The following PDSS2 variants were observed in gnomAD, a reference collection of about 807,000 sequenced individuals.
PDSS2 encodes the protein all trans-polyprenyl-diphosphate synthase PDSS2.
PDSS2 carries 31 observed loss-of-function variants against 44.5 expected under a neutral mutation model. The observed-to-expected ratio is 0.70, with a 90% CI of 0.52 to 0.94. The LOEUF is 0.94. PDSS2 is among the 40% of genes least tolerant of loss of function. PDSS2 has a pLI of 0.00. For missense variants in PDSS2, 452 were observed against 482.2 expected, an observed-to-expected ratio of 0.94 and a Z score of 0.59; for synonymous variants, 157 against 180.3, an observed-to-expected ratio of 0.87 and a Z score of 1.03.
chr6:107,446,014 C>T (rs1160979604), intron 1 of PDSS2, among the ~76,000 whole-genome samples: 1 of 151,934 alleles, frequency 6.6e-6, no homozygotes, highest in Non-Finnish European at 1.5e-5. Flanking sequence ...TTTTTTAAGG[C>T]TTTTCAAAAT....
chr6:107,216,228 G>A (rs1011699697), intron 4 of PDSS2, among the ~76,000 whole-genome samples: 1 of 151,876 alleles, frequency 6.6e-6, no homozygotes, highest in African/African-American at 2.4e-5. Context: ...AATCCCAGCA[G>A]TTTGGGAGGG....
chr6:107,294,416 A>C (rs954160606), intron 2 of PDSS2, among the ~76,000 whole-genome samples: 15 of 152,040 alleles, frequency 9.9e-5, no homozygotes, highest in Non-Finnish European at 2.2e-4. Context: ...TTTTAATTAA[A>C]AAAAATTTTT....
At chr6:107,370,670 AT>A (rs1189078787) in intron 1 of PDSS2, among the ~76,000 whole-genome samples, 1 of 152,212 alleles carries the variant, frequency 6.6e-6, no homozygotes, top group Non-Finnish European at 1.5e-5. Context: ...TCAAGTATCA[AT>A]TTTATTCTTT....
chr6:107,212,962 A>C (rs992778170), intron 4 of PDSS2, among the ~76,000 whole-genome samples: 3 of 151,940 alleles, frequency 2.0e-5, no homozygotes, highest in Non-Finnish European at 2.9e-5. Flanking sequence ...CTATGATTGC[A>C]CCACTGCACT....
intron 2 of PDSS2, among the ~76,000 whole-genome samples, chr6:107,287,878 C>T (rs925431410): frequency 1.3e-5 from 2 of 151,588 alleles, no homozygotes; most frequent in Admixed American, 6.6e-5. Flanking sequence ...GCCTATAGTC[C>T]CAGCTATTAG....
chr6:107,217,043 G>A (rs10457162), intron 4 of PDSS2, among the ~76,000 whole-genome samples: 1 of 151,962 alleles, frequency 6.6e-6, no homozygotes, highest in Non-Finnish European at 1.5e-5. Flanking sequence ...GCTGCATTTC[G>A]TACTATTTAC....
At chr6:107,343,983 T>C (rs1027554257) in intron 1 of PDSS2, among the ~76,000 whole-genome samples, 1 of 152,230 alleles carries the variant, frequency 6.6e-6, no homozygotes, top group Non-Finnish European at 1.5e-5. Flanking sequence ...AAAAACACTG[T>C]ATTTTAAAAA....
intron 4 of PDSS2, 79 bp from the exon 5 acceptor site, chr6:107,212,361 T>C: frequency 8.3e-7 from 1 of 1,205,696 alleles, no homozygotes; most frequent in Non-Finnish European, 1.2e-6. Flanking sequence ...AATAAAAAAG[T>C]TAAGAAACGA....
At chr6:107,348,333 T>A (rs558169826) in intron 1 of PDSS2, among the ~76,000 whole-genome samples, 1 of 152,318 alleles carries the variant, frequency 6.6e-6, no homozygotes, top group African/African-American at 2.4e-5. Flanking sequence ...AGTGAAAGAA[T>A]CAGAATTCAA....
At chr6:107,365,544 CA>C (rs1778935626) in intron 1 of PDSS2, among the ~76,000 whole-genome samples, 1 of 152,026 alleles carries the variant, frequency 6.6e-6, no homozygotes, top group African/African-American at 2.4e-5. Flanking sequence ...TATGAATGGA[CA>C]AAACAACCCA....
intron 3 of PDSS2, among the ~76,000 whole-genome samples, chr6:107,261,799 G>T (rs1208031003): frequency 1.3e-5 from 2 of 150,284 alleles, no homozygotes. Flanking sequence ...GGCTGGTCTC[G>T]AACTCCTGAC....
At position 107,410,391 on chromosome 6, in the gene PDSS2, C is replaced by T. The variant is rs555482781; in HGVS notation, c.296+48599G>A. On this transcript the variant is annotated intron_variant, in intron 1 of 7. Transcript: ENST00000369037. ...GTATGAATCCACAGGTGCATGTGCG[C>T]GCAGACACACACACACCCATAAAAC... Among the ~76,000 whole-genome samples the T allele has an allele frequency of 1.6e-4, 25 of 152,282 alleles. 1 individual carries two copies. Among genetic ancestry groups the T allele is most frequent in the South Asian group, 6.2e-4 (3 of 4,822 alleles).
At chr6:107,237,500 C>T (rs1774263163) in intron 4 of PDSS2, among the ~76,000 whole-genome samples, 1 of 151,912 alleles carries the variant, frequency 6.6e-6, no homozygotes, top group African/African-American at 2.4e-5. Flanking sequence ...GCCTTGGCCT[C>T]CCAAAGTGCT....
intron 4 of PDSS2, chr6:107,229,758 G>T (rs1240669689): frequency 6.6e-6 from 1 of 152,116 alleles, no homozygotes; most frequent in Non-Finnish European, 1.5e-5. Flanking sequence ...CTATCATCAG[G>T]AACTCTATGG....
intron 2 of PDSS2, among the ~76,000 whole-genome samples, chr6:107,285,064 T>C (rs1776095654): frequency 6.6e-6 from 1 of 152,220 alleles, no homozygotes. Context: ...ACTCTGGTTC[T>C]AAAGCCTGGG....
At chr6:107,340,809 T>C (rs142785126) in intron 1 of PDSS2, among the ~76,000 whole-genome samples, 17 of 151,884 alleles carry the variant, frequency 1.1e-4, no homozygotes, top group African/African-American at 3.9e-4. Flanking sequence ...GAGAAAGAAA[T>C]AGATAAGCAG....
intron 1 of PDSS2, among the ~76,000 whole-genome samples, chr6:107,371,159 G>A (rs539425416): frequency 2.1e-5 from 3 of 144,064 alleles, no homozygotes; most frequent in Admixed American, 7.2e-5. Flanking sequence ...CAGCCTGGGC[G>A]ACAAGAGCAA....
intron 2 of PDSS2, among the ~76,000 whole-genome samples, chr6:107,306,151 A>C (rs1241649538): frequency 1.3e-5 from 2 of 152,158 alleles, no homozygotes; most frequent in Non-Finnish European, 2.9e-5. Flanking sequence ...AAACTGACTA[A>C]ACAACTTAAG....
At chr6:107,173,043 G>C (rs2114393760) in intron 7 of PDSS2, among the ~76,000 whole-genome samples, 1 of 150,248 alleles carries the variant, frequency 6.7e-6, no homozygotes, top group South Asian at 2.1e-4. Context: ...AGAATCGCTT[G>C]AACCCAGGAG....
Sources: allele counts gnomAD v4.1 joint callset (sites outside exome capture counted in the v4.1 genomes callset), GRCh38; gene constraint gnomAD v4.1.1; transcripts MANE v1.5; gene names NCBI Gene and HGNC (gene_info 2026-07-23, HGNC 2026-07-21).